Variants in CNNM3 observed in about 807,000 individuals in gnomAD.
CNNM3 encodes the protein cyclin and CBS domain divalent metal cation transport mediator 3.
Under a neutral mutation model 57.1 loss-of-function variants are expected in CNNM3, and 47 were observed. The observed-to-expected ratio is 0.82, with a 90% confidence interval of 0.65 to 1.05. CNNM3 has a LOEUF of 1.05. CNNM3 is among the 50% of genes least tolerant of loss of function. CNNM3 has a pLI of 0.00. For missense variants in CNNM3, 957 were observed against 973.7 expected (o/e 0.98, Z 0.23); for synonymous variants, 507 against 478.2 (o/e 1.06, Z -0.79).
intron 5 of CNNM3, 100 bp from the exon 6 acceptor site, chr2:96,828,467 G>T: frequency 7.0e-7 from 1 of 1,422,988 alleles, no homozygotes; most frequent in South Asian, 1.3e-5. Flanking sequence ...CAGAGTGATT[G>T]GTGGGGTGGG....
chr2:96,817,012 G>T lies in CNNM3; in HGVS notation c.735G>T (p.Gly245=), dbSNP rs1164659420. 7.3e-7 allele frequency: 1 copy of T among 1,369,286 alleles called. No homozygotes were observed. The highest frequency in any genetic ancestry group is 9.5e-7 in the Non-Finnish European group (1 of 1,055,532). The allele number at this position is 1,369,286 out of a possible 1,614,324, so 84.8% of individuals were successfully genotyped here. The change falls in exon 1 of 8, where the codon GGG becomes GGT. Residue 245 remains glycine, a synonymous_variant. Transcript: ENST00000305510. ...VGEVVPAAVS[G]RWTLALAPRA... Reference sequence around the variant, plus strand: ...AGGTGGTGCCGGCCGCCGTGAGCGGGCGCTGGACGCTGGCGCTGGCGCCGC... The same window carrying T: ...AGGTGGTGCCGGCCGCCGTGAGCGGTCGCTGGACGCTGGCGCTGGCGCCGC...
chr2:96,817,936 G>A (rs2079349690), intron 1 of CNNM3, among the ~76,000 whole-genome samples: 1 of 152,218 alleles, frequency 6.6e-6, no homozygotes, highest in Non-Finnish European at 1.5e-5. Context: ...GTGCACACAT[G>A]TAATATCAAA....
chr2:96,817,167 G>C lies in CNNM3; in HGVS notation c.890G>C (p.Gly297Ala). 1 of 1,444,750 alleles carries C rather than the reference G, an allele frequency of 6.9e-7. No homozygotes were observed. The highest frequency in any genetic ancestry group is 9.0e-7 in the Non-Finnish European group (1 of 1,107,882). 89.5% of individuals were successfully genotyped at this position (1,444,750 alleles called of 1,614,324 possible). A position where few individuals can be genotyped will look rare whatever the true frequency, so the allele number is the denominator to read the frequency against. ...RERVLELARG[G>A]GDPYSDLSKG... ...CGGGTGCTGGAGCTGGCGCGCGGCG[G>C]CGGCGACCCCTACAGCGATCTCAGC... Residue 297 changes from glycine (G) to alanine (A), a missense_variant, in exon 1 of 8, where the codon GGC becomes GCC. Physicochemically the swap from Gly to Ala is moderately conservative, Grantham distance 60 (BLOSUM62 0). This residue lies in a region of CNNM3 where 491 missense variants were observed against 570.6 expected (regional missense o/e 0.86). Coordinates refer to ENST00000305510, the MANE Select transcript of CNNM3 (RefSeq NM_017623.5).
At chr2:96,824,670 C>A (rs774855967) in intron 1 of CNNM3, 2 of 207,752 alleles carry the variant, frequency 9.6e-6, no homozygotes, top group Non-Finnish European at 2.0e-5. Context: ...GAGTCAGTGC[C>A]CTTGTTAGCC....
Position 96,828,158 on chromosome 2 carries a change from G to C in CNNM3, c.1749G>C (p.Thr583=). Residue 583 remains threonine, a synonymous_variant, in exon 5 of 8, where the codon ACG becomes ACC. Transcript: ENST00000305510. ...EGLKFENGAF[T]YYGVSALTVP... is the part of the protein sequence containing the mutation. ...TGAAGTTTGAGAATGGGGCCTTCAC[G>C]TACTATGGAGTGTCGGCCCTAACTG... 1 of 1,614,132 alleles carries C rather than the reference G, an allele frequency of 6.2e-7. No individual in the cohort carries two copies. Among genetic ancestry groups the C allele is most frequent in the East Asian group, 2.2e-5 (1 of 44,864 alleles).
chr2:96,837,041 CTG>C (rs1237253855), downstream of CNNM3: 1 of 152,174 alleles, frequency 6.6e-6, no homozygotes, highest in African/African-American at 2.4e-5. Flanking sequence ...TTGTGTGGTC[CTG>C]TTCCCGTGAT....
At position 96,834,106 on chromosome 2, in the gene CNNM3, TGG is replaced by T. The variant is rs2079650789; in HGVS notation, c.*1493_*1494del. Among the ~76,000 whole-genome samples the T allele has an allele frequency of 6.6e-6, 1 of 151,648 alleles. No individual in the cohort carries two copies. On this transcript the variant is annotated 3_prime_UTR_variant, in exon 8 of 8. Transcript: ENST00000305510. ...CTAATTTTTGTATTTTTAGTAGAGA[TGG>T]GGTTTCACCATGTTGGCCAGGCTGA...
intron 1 of CNNM3, among the ~76,000 whole-genome samples, chr2:96,823,510 C>T (rs1354591792): frequency 1.3e-5 from 2 of 152,186 alleles, no homozygotes; most frequent in African/African-American, 4.8e-5. Context: ...TGTCTAGAAA[C>T]GCGGTTCAGC....
At chr2:96,827,967 A>T in intron 4 of CNNM3, 67 bp downstream of exon 4, 1 of 1,581,654 alleles carries the variant, frequency 6.3e-7, no homozygotes, top group South Asian at 1.1e-5. Context: ...CTAGGAGAAG[A>T]GGGGAGCAGG....
chr2:96,827,977 G>A, intron 4 of CNNM3, 77 bp downstream of exon 4: 1 of 1,577,970 alleles, frequency 6.3e-7, no homozygotes, highest in South Asian at 1.2e-5. Context: ...AGGGGAGCAG[G>A]GGCATGCGGA....
At position 96,817,228 on chromosome 2, in the gene CNNM3, G is replaced by A; in HGVS notation, c.951G>A (p.Val317=). Residue 317 remains valine, a synonymous_variant, in exon 1 of 8, where the codon GTG becomes GTA. Coordinates refer to ENST00000305510, the MANE Select transcript of CNNM3 (RefSeq NM_017623.5). ...TGCGCTGCCGGACCGTGGAGGACGTGCTCACGCCCCTCGAAGACTGCTTCA... is the reference window on the plus strand; with the variant it reads ...TGCGCTGCCGGACCGTGGAGGACGTACTCACGCCCCTCGAAGACTGCTTCA... ...GVLRCRTVED[V]LTPLEDCFML... is the part of the protein sequence containing the mutation. 5 of 1,604,170 alleles carry A rather than the reference G, an allele frequency of 3.1e-6. No homozygotes were observed. The highest frequency in any genetic ancestry group is 4.2e-6 in the Non-Finnish European group (5 of 1,177,346).
chr2:96,824,883 T>C (rs1364588980), intron 1 of CNNM3, 175 bp from the exon 2 acceptor site: 1 of 681,374 alleles, frequency 1.5e-6, no homozygotes, highest in Non-Finnish European at 2.5e-6. Flanking sequence ...AGGCCAGTTC[T>C]CATAATCACG....
In CNNM3 at chr2:96,826,991, G is replaced by A; in HGVS notation, c.1519+9G>A. The A allele has an allele frequency of 6.2e-7, 1 of 1,613,032 alleles. No homozygotes were observed. The highest frequency in any genetic ancestry group is 8.5e-7 in the Non-Finnish European group (1 of 1,179,510). On this transcript the variant is annotated intron_variant, in intron 3 of 7. Coordinates refer to ENST00000305510, the MANE Select transcript of CNNM3 (RefSeq NM_017623.5). Reference sequence around the variant, plus strand: ...GCGCTTCCTGTCCCGAGGTGAGGCGGGAGGGTGGTCCATGCCCCCTGCTCT... The same window carrying A: ...GCGCTTCCTGTCCCGAGGTGAGGCGAGAGGGTGGTCCATGCCCCCTGCTCT...
At chr2:96,826,692 A>G in intron 2 of CNNM3, 141 bp from the exon 3 acceptor site, 1 of 937,126 alleles carries the variant, frequency 1.1e-6, no homozygotes, top group Non-Finnish European at 1.6e-6. Context: ...GGTGCTGAGG[A>G]CATGTCCCTG....
chr2:96,832,404 G>T, intron 7 of CNNM3, 148 bp from the exon 8 acceptor site: 1 of 1,508,980 alleles, frequency 6.6e-7, no homozygotes, highest in South Asian at 1.3e-5. Flanking sequence ...CTAACCAGTC[G>T]CTCCTGTTTC....
intron 6 of CNNM3, 146 bp from the exon 7 acceptor site, chr2:96,828,850 A>G (rs2079554916): frequency 6.8e-7 from 1 of 1,479,516 alleles, no homozygotes; most frequent in African/African-American, 1.4e-5. Context: ...GCAAGGTCTT[A>G]AAAACACTTG....
chr2:96,827,425 G>A (rs1314699027), intron 3 of CNNM3, among the ~76,000 whole-genome samples: 6 of 152,152 alleles, frequency 3.9e-5, no homozygotes, highest in South Asian at 4.2e-4. Context: ...GTATCACCAC[G>A]CCCAGCTAAT....
At chr2:96,828,755 G>C in intron 6 of CNNM3, 55 bp downstream of exon 6, 1 of 1,607,672 alleles carries the variant, frequency 6.2e-7, no homozygotes, top group Non-Finnish European at 8.5e-7. Flanking sequence ...GTGTCACCGG[G>C]GGCTAGACCA....
chr2:96,828,141 G>A lies in CNNM3; in HGVS notation c.1732G>A (p.Glu578Lys), dbSNP rs764474361. ...GATCGGGAAAGAGGGTCTGAAGTTT[G>A]AGAATGGGGCCTTCACGTACTATGG... is the stretch of plus-strand genomic sequence containing the variant. ...VEIGKEGLKFENGAFTYYGVS... is the reference protein window; with the variant it reads ...VEIGKEGLKFKNGAFTYYGVS... The change falls in exon 5 of 8, where the codon GAG becomes AAG. Residue 578 changes from glutamate to lysine, a missense_variant. Around this residue, in one of 2 missense-constraint regions of CNNM3, gnomAD observed 491 missense variants for 570.6 expected, o/e 0.86. Transcript: ENST00000305510. 3.7e-6 allele frequency: 6 copies of A among 1,614,110 alleles called. No individual in the cohort carries two copies. The highest frequency in any genetic ancestry group is 5.1e-6 in the Non-Finnish European group (6 of 1,180,014).
Sources: gnomAD v4.1 joint callset for allele counts (sites outside exome capture counted in the v4.1 genomes callset) on GRCh38, gnomAD v4.1.1 for gene constraint, gnomAD v4.1.1 regional missense constraint, MANE v1.5 for transcripts, NCBI Gene and HGNC (gene_info 2026-07-23, HGNC 2026-07-21) for gene names.